NFX1: variants seen among roughly 807,000 people sequenced by gnomAD.
NFX1 encodes transcriptional repressor NF-X1.
NFX1 carries 69 observed loss-of-function variants against 137.2 expected under a neutral mutation model. That is an observed-to-expected ratio of 0.50 (90% CI 0.41 to 0.61). The LOEUF (loss-of-function observed/expected upper bound fraction) is 0.61. NFX1 is among the 20% of genes least tolerant of loss of function. The probability of loss-of-function intolerance (pLI) is 0.00; values close to 1 mark genes in which losing one functional copy is unlikely to be tolerated. For synonymous variants in NFX1, 495 were observed against 474.1 expected (o/e 1.04, Z -0.57); for missense variants, 1,167 against 1,391.0 (o/e 0.84, Z 2.56).
At chr9:33,292,393 C>T (rs1382374497) in intron 1 of NFX1, among the ~76,000 whole-genome samples, 1 of 152,230 alleles carries the variant, frequency 6.6e-6, no homozygotes, top group African/African-American at 2.4e-5. Context: ...CAATGCCAGC[C>T]TTGTCTCTGG....
chr9:33,358,389 G>T (rs980018693), intron 19 of NFX1, among the ~76,000 whole-genome samples: 1 of 152,040 alleles, frequency 6.6e-6, no homozygotes, highest in Non-Finnish European at 1.5e-5. Context: ...CTCCCAGAGT[G>T]CTGGGATTAC....
rs1235299359 is a variant in NFX1, at chr9:33,370,086, A to G, written c.*108A>G. 1.5e-5 allele frequency: 12 copies of G among 808,368 alleles called. No individual in the cohort carries two copies. Among genetic ancestry groups the G allele is most frequent in the Non-Finnish European group, 2.3e-5 (11 of 483,502 alleles). The allele number at this position is 808,368 out of a possible 1,614,324, so 50.1% of individuals were successfully genotyped here. On this transcript the variant is annotated 3_prime_UTR_variant, in exon 24 of 24. Transcript: ENST00000379540. ...CTCTGCCTGGCAGAATCACAGTCTC[A>G]CATACTGTCTTGTACTGACACATCC...
chr9:33,310,033 T>A (rs1821909080), intron 5 of NFX1, among the ~76,000 whole-genome samples: 1 of 152,220 alleles, frequency 6.6e-6, no homozygotes, highest in South Asian at 2.1e-4. Context: ...TAAAGAAACA[T>A]GCTTAAACTT....
chr9:33,330,916 C>A (rs983968643), intron 10 of NFX1, among the ~76,000 whole-genome samples: 4 of 152,004 alleles, frequency 2.6e-5, no homozygotes, highest in Admixed American at 2.6e-4. Flanking sequence ...TGGTGGCTCA[C>A]GCCTGTAATC....
intron 9 of NFX1, among the ~76,000 whole-genome samples, chr9:33,324,956 A>G (rs1822526183): frequency 6.6e-6 from 1 of 151,966 alleles, no homozygotes; most frequent in African/African-American, 2.4e-5. Flanking sequence ...AAGAGATTAT[A>G]TAACCCAACG....
intron 19 of NFX1, among the ~76,000 whole-genome samples, chr9:33,359,804 G>A (rs971007475): frequency 6.6e-6 from 1 of 152,180 alleles, no homozygotes; most frequent in African/African-American, 2.4e-5. Context: ...TTAATAATTG[G>A]AGAATTTAGG....
chr9:33,343,932 C>T, intron 13 of NFX1, 137 bp from the exon 14 acceptor site: 7 of 1,120,382 alleles, frequency 6.2e-6, no homozygotes, highest in Non-Finnish European at 8.9e-6. Context: ...ATAAAAACCT[C>T]TTTTGAAAAA....
At chr9:33,296,603 C>T (rs1821363968) in intron 2 of NFX1, among the ~76,000 whole-genome samples, 1 of 152,176 alleles carries the variant, frequency 6.6e-6, no homozygotes, top group Non-Finnish European at 1.5e-5. Context: ...GGCATGTTAG[C>T]ACATGCCTGT....
chr9:33,335,189 T>C (rs1273990476), intron 11 of NFX1, among the ~76,000 whole-genome samples: 4 of 152,160 alleles, frequency 2.6e-5, no homozygotes, highest in African/African-American at 9.6e-5. Flanking sequence ...TTTCTCTGTC[T>C]TACATTTTTT....
chr9:33,328,775 G>T (rs1822691794), intron 10 of NFX1, 97 bp downstream of exon 10: 1 of 978,458 alleles, frequency 1.0e-6, no homozygotes, highest in African/African-American at 1.6e-5. Context: ...AGTAGATTAG[G>T]TATGGGAAGT....
chr9:33,313,006 G>T (rs1822018477), intron 6 of NFX1, among the ~76,000 whole-genome samples: 1 of 152,180 alleles, frequency 6.6e-6, no homozygotes, highest in African/African-American at 2.4e-5. Flanking sequence ...TAAGTGCTGG[G>T]TCTCAGGATA....
At chr9:33,303,136 T>G in intron 3 of NFX1, 55 bp from the exon 4 acceptor site, 3 of 1,401,184 alleles carry the variant, frequency 2.1e-6, no homozygotes, top group Non-Finnish European at 3.0e-6. Flanking sequence ...TTTTTTTAAT[T>G]ACATGTAGCT....
At chr9:33,357,857 T>C (rs529460989) in intron 19 of NFX1, among the ~76,000 whole-genome samples, 4 of 152,212 alleles carry the variant, frequency 2.6e-5, no homozygotes, top group African/African-American at 4.8e-5. Context: ...TTTCCACTTA[T>C]ATTTCACAAT....
chr9:33,353,971 T>G, intron 17 of NFX1, 115 bp from the exon 18 acceptor site: 17 of 928,762 alleles, frequency 1.8e-5, no homozygotes, highest in Non-Finnish European at 2.5e-5. Flanking sequence ...CTTACAGGCG[T>G]GAGCCACCAC....
intron 2 of NFX1, 90 bp downstream of exon 2, chr9:33,295,517 A>G: frequency 7.4e-7 from 1 of 1,351,840 alleles, no homozygotes. Flanking sequence ...GAAAGCAGAA[A>G]GTATGGAAAG....
intron 1 of NFX1, among the ~76,000 whole-genome samples, chr9:33,293,795 T>C (rs1157157123): frequency 6.6e-6 from 1 of 152,216 alleles, no homozygotes; most frequent in Non-Finnish European, 1.5e-5. Flanking sequence ...AGGTTATGTA[T>C]GGAAAACCCA....
At chr9:33,292,791 G>A (rs1473878084) in intron 1 of NFX1, among the ~76,000 whole-genome samples, 1 of 152,040 alleles carries the variant, frequency 6.6e-6, no homozygotes, top group East Asian at 1.9e-4. Context: ...CCTTTACTAG[G>A]CTTCTCTAGA....
At chr9:33,353,096 C>T (rs549904358) in intron 17 of NFX1, among the ~76,000 whole-genome samples, 2 of 152,200 alleles carry the variant, frequency 1.3e-5, no homozygotes, top group Non-Finnish European at 2.9e-5. Context: ...TTCAAAGAAA[C>T]AGTGCTGCTT....
chr9:33,366,730 C>G lies in NFX1; in HGVS notation c.3141C>G (p.Ser1047Arg). 4 of 1,614,194 alleles carry G rather than the reference C, an allele frequency of 2.5e-6. No homozygotes were observed. Among genetic ancestry groups the G allele is most frequent in the Non-Finnish European group, 3.4e-6 (4 of 1,180,048 alleles). The change falls in exon 22 of 24, where the codon AGC becomes AGG. Residue 1047 changes from serine (S) to arginine (R), a missense_variant. Ser to Arg is a moderately radical substitution (Grantham distance 110). This residue lies in a region of NFX1 where 312 missense variants were observed against 312.8 expected (regional missense o/e 1.00). Transcript: ENST00000379540. ...AAGTTTATGGCCTGGAGAGCGTGAG[C>G]TATGACAGTGAACCGAAGCGCAATG... The part of the protein sequence containing the change: ...LAQVYGLESV[S>R]YDSEPKRNVV...
Sources: gnomAD v4.1 joint callset for allele counts (sites outside exome capture counted in the v4.1 genomes callset) on GRCh38, gnomAD v4.1.1 for gene constraint, gnomAD v4.1.1 regional missense constraint, MANE v1.5 for transcripts, NCBI Gene and HGNC (gene_info 2026-07-23, HGNC 2026-07-21) for gene names.